ATP10A: variants seen among roughly 807,000 people sequenced by gnomAD.
ATP10A encodes the protein phospholipid-transporting ATPase VA.
Under a neutral mutation model 147.8 loss-of-function variants are expected in ATP10A, and 111 were observed. The ratio of observed to expected loss-of-function variants is 0.75; its 90% CI spans 0.64 to 0.88. ATP10A has a LOEUF of 0.88. Ranked by LOEUF, ATP10A falls within the 40% of genes least tolerant of loss-of-function variation. The pLI is 0.00. For missense variants in ATP10A, 1,927 were observed against 1,959.0 expected (o/e 0.98, Z 0.31); for synonymous variants, 875 against 841.6 (o/e 1.04, Z -0.69).
intron 1 of ATP10A, among the ~76,000 whole-genome samples, chr15:25,810,913 C>T (rs11161228): frequency 0.56 from 84,876 of 151,884 alleles, 24,708 homozygotes; most frequent in East Asian, 0.8. Context: ...CACAGCCTTA[C>T]AAAGGCACAC....
intron 1 of ATP10A, among the ~76,000 whole-genome samples, chr15:25,857,275 C>T (rs1893559241): frequency 6.6e-6 from 1 of 152,094 alleles, no homozygotes; most frequent in Non-Finnish European, 1.5e-5. Flanking sequence ...GAGACCTTAT[C>T]TCTATGAAAT....
rs371639400 is a variant in ATP10A, at chr15:25,829,003, C to T, written c.449+33645G>A. On this transcript the variant is annotated intron_variant, in intron 1 of 20. Coordinates refer to ENST00000555815, the MANE Select transcript of ATP10A (RefSeq NM_024490.4). ...AAGCTTTGCTCCACATCATGCATAACGCTGGAACATGTGCGAGAAAGGAGG... is the reference window on the plus strand; with the variant it reads ...AAGCTTTGCTCCACATCATGCATAATGCTGGAACATGTGCGAGAAAGGAGG... Among the ~76,000 whole-genome samples the T allele has an allele frequency of 2.0e-4, 31 of 152,230 alleles. No individual in the cohort carries two copies. In the East Asian group the frequency reaches 2.3e-3, roughly 11 times the overall value.
At chr15:25,772,617 A>C (rs1002850834) in intron 2 of ATP10A, among the ~76,000 whole-genome samples, 1 of 152,154 alleles carries the variant, frequency 6.6e-6, no homozygotes, top group African/African-American at 2.4e-5. Flanking sequence ...GGCCTTCTTT[A>C]CCACACAAAT....
chr15:25,762,123 C>T (rs76132981), intron 2 of ATP10A, among the ~76,000 whole-genome samples: 1,575 of 152,206 alleles, frequency 0.01, 13 homozygotes, highest in Non-Finnish European at 0.016. Flanking sequence ...CTTATAAGGG[C>T]CTTTTCCCCC....
In ATP10A at chr15:25,716,523, T is replaced by G. The variant is rs562313983; in HGVS notation, c.1776+207A>C. Among the ~76,000 whole-genome samples the G allele has an allele frequency of 5.9e-5, 9 of 152,272 alleles. No homozygotes were observed. In the East Asian group the frequency reaches 1.7e-3, roughly 29 times the overall value. ...CCCACTTGGCCCCAATCATAGCCCC[T>G]GCCCACTATAGCCTGGGGCCAACGC... On this transcript the variant is annotated intron_variant, in intron 9 of 20. Coordinates refer to ENST00000555815, the MANE Select transcript of ATP10A (RefSeq NM_024490.4).
At chr15:25,753,485 T>C (rs1888258442) in intron 2 of ATP10A, among the ~76,000 whole-genome samples, 1 of 152,144 alleles carries the variant, frequency 6.6e-6, no homozygotes. Flanking sequence ...TATTCATTCA[T>C]CTGTTGATGG....
At chr15:25,746,101 CAA>C (rs1328046398) in intron 2 of ATP10A, among the ~76,000 whole-genome samples, 2 of 151,970 alleles carry the variant, frequency 1.3e-5, no homozygotes, top group African/African-American at 2.4e-5. Context: ...TTTAAAAACT[CAA>C]GACTATATTG....
chr15:25,793,335 G>A (rs1057326976), intron 1 of ATP10A, among the ~76,000 whole-genome samples: 1 of 152,202 alleles, frequency 6.6e-6, no homozygotes, highest in African/African-American at 2.4e-5. Flanking sequence ...AGGGCCCTGG[G>A]AGATGCTGCA....
chr15:25,709,310 AT>A (rs1161289210), intron 10 of ATP10A: 1 of 152,234 alleles, frequency 6.6e-6, no homozygotes, highest in African/African-American at 2.4e-5. Flanking sequence ...CGAAAGGATG[AT>A]GCTCAAACTC....
chr15:25,764,957 C>T (rs1234813710), intron 2 of ATP10A, among the ~76,000 whole-genome samples: 1 of 152,224 alleles, frequency 6.6e-6, no homozygotes, highest in Non-Finnish European at 1.5e-5. Flanking sequence ...AGGAAATGCA[C>T]TTCATTCTAT....
At chr15:25,717,160 G>T (rs543648538) in intron 8 of ATP10A, among the ~76,000 whole-genome samples, 11 of 152,040 alleles carry the variant, frequency 7.2e-5, no homozygotes, top group Admixed American at 5.9e-4. Context: ...TAGTCTTTTC[G>T]CTCTACATTT....
chr15:25,713,540 C>T, intron 10 of ATP10A, 134 bp downstream of exon 10: 1 of 956,012 alleles, frequency 1.0e-6, no homozygotes, highest in Non-Finnish European at 1.6e-6. Context: ...AGAAACCATG[C>T]AATTCTCCAA....
At chr15:25,704,698 G>A (rs1900871107) in intron 12 of ATP10A, among the ~76,000 whole-genome samples, 2 of 152,198 alleles carry the variant, frequency 1.3e-5, no homozygotes, top group African/African-American at 2.4e-5. Context: ...CCCCCACCTC[G>A]GCATGAAACA....
intron 1 of ATP10A, among the ~76,000 whole-genome samples, chr15:25,831,762 C>T (rs1001464866): frequency 6.6e-6 from 1 of 152,178 alleles, no homozygotes. Flanking sequence ...AAGAGCCACA[C>T]AACCTTCTGA....
chr15:25,683,320 T>G lies in ATP10A; in HGVS notation c.3458A>C (p.Asn1153Thr), dbSNP rs1596677024. The G allele has an allele frequency of 6.2e-7, 1 of 1,614,020 alleles. No homozygotes were observed. The change falls in exon 17 of 21, where the codon AAC becomes ACC. Residue 1153 changes from asparagine to threonine, a missense_variant. Asn to Thr is a moderately conservative substitution (Grantham distance 65, BLOSUM62 0). Coordinates refer to ENST00000555815, the MANE Select transcript of ATP10A (RefSeq NM_024490.4). ...CTGGCCACTCTTGTAGAGCTGCGGG[T>G]TGGTCAGCAGCACATTGGCTGGCAC... ...RDVPANVLLT[N>T]PQLYKSGQNM...
chr15:25,709,560 G>C (rs1427140480), intron 10 of ATP10A: 1 of 152,278 alleles, frequency 6.6e-6, no homozygotes, highest in East Asian at 1.9e-4. Flanking sequence ...ACCGAGCCCA[G>C]GGAGGGAGGA....
intron 2 of ATP10A, among the ~76,000 whole-genome samples, chr15:25,743,396 A>C (rs1272913028): frequency 3.9e-5 from 6 of 152,234 alleles, no homozygotes; most frequent in Non-Finnish European, 8.8e-5. Context: ...TGGCAAACAG[A>C]GATGCTGGAC....
downstream of ATP10A, among the ~76,000 whole-genome samples, chr15:25,672,438 C>T (rs1899063610): frequency 6.6e-6 from 1 of 152,230 alleles, no homozygotes; most frequent in Non-Finnish European, 1.5e-5. Flanking sequence ...CAGAATGCTG[C>T]TATGAATATG....
chr15:25,682,601 A>G (rs948481407), intron 17 of ATP10A, among the ~76,000 whole-genome samples: 3 of 152,202 alleles, frequency 2.0e-5, no homozygotes, highest in Admixed American at 2.0e-4. Flanking sequence ...GAAGCAACAG[A>G]TAACAAGCAG....
Sources: allele counts gnomAD v4.1 joint callset (sites outside exome capture counted in the v4.1 genomes callset), GRCh38; gene constraint gnomAD v4.1.1; transcripts MANE v1.5; gene names NCBI Gene and HGNC (gene_info 2026-07-23, HGNC 2026-07-21).